MAPK10: variants seen among roughly 807,000 people sequenced by gnomAD.
MAPK10 encodes mitogen-activated protein kinase 10.
In MAPK10, 25 loss-of-function variants were observed where a neutral mutation model predicts 59.3. The observed-to-expected ratio is 0.42, with a 90% confidence interval of 0.31 to 0.59. The LOEUF (loss-of-function observed/expected upper bound fraction) is 0.59, where lower values mean the gene tolerates loss of function less well. Among genes scored for constraint, MAPK10 ranks in the 20% least tolerant of loss-of-function variants. The pLI is 0.15. For synonymous variants in MAPK10, 190 were observed against 200.5 expected (o/e 0.95, Z 0.44); for missense variants, 351 against 568.9 (o/e 0.62, Z 3.90).
At chr4:86,250,514 G>C (rs1433659371) in intron 2 of MAPK10, among the ~76,000 whole-genome samples, 2 of 152,144 alleles carry the variant, frequency 1.3e-5, no homozygotes, top group South Asian at 4.1e-4. Context: ...GAGAATTTTA[G>C]AGTGAAAAAA....
chr4:86,381,256 T>C (rs1740665688), intron 1 of MAPK10, among the ~76,000 whole-genome samples: 1 of 152,166 alleles, frequency 6.6e-6, no homozygotes, highest in African/African-American at 2.4e-5. Flanking sequence ...ACTACCCTCC[T>C]GGCCTTGTAA....
chr4:86,158,849 G>A (rs1562464502), intron 4 of MAPK10, among the ~76,000 whole-genome samples: 1 of 151,632 alleles, frequency 6.6e-6, no homozygotes, highest in Non-Finnish European at 1.5e-5. Flanking sequence ...TTCTAAATCG[G>A]TAACTCAGTT....
At chr4:86,486,451 G>A (rs1182370884) in intron 1 of MAPK10, among the ~76,000 whole-genome samples, 1 of 152,118 alleles carries the variant, frequency 6.6e-6, no homozygotes, top group Admixed American at 6.6e-5. Flanking sequence ...GGGAACAAAA[G>A]AACTGCAAAC....
intron 2 of MAPK10, among the ~76,000 whole-genome samples, chr4:86,226,241 A>G (rs1384193467): frequency 6.6e-6 from 1 of 152,234 alleles, no homozygotes; most frequent in Non-Finnish European, 1.5e-5. Flanking sequence ...CTCACAGGAC[A>G]ACTAAGCCAC....
At chr4:86,187,873 T>C (rs1481139388) in intron 3 of MAPK10, among the ~76,000 whole-genome samples, 1 of 152,128 alleles carries the variant, frequency 6.6e-6, no homozygotes, top group African/African-American at 2.4e-5. Flanking sequence ...CACCCATCAA[T>C]CTGTCATCTA....
chr4:86,527,032 G>C (rs1757512181), intron 1 of MAPK10, among the ~76,000 whole-genome samples: 1 of 152,064 alleles, frequency 6.6e-6, no homozygotes, highest in African/African-American at 2.4e-5. Flanking sequence ...AAAGTGGCTG[G>C]GCACAGTAGC....
chr4:86,350,454 T>A (rs1247522504), intron 2 of MAPK10, among the ~76,000 whole-genome samples: 1 of 152,176 alleles, frequency 6.6e-6, no homozygotes, highest in Non-Finnish European at 1.5e-5. Context: ...GACCTCGTGA[T>A]CCGCCCACCT....
At chr4:86,372,639 G>A (rs1739085763) in intron 1 of MAPK10, among the ~76,000 whole-genome samples, 1 of 151,764 alleles carries the variant, frequency 6.6e-6, no homozygotes, top group African/African-American at 2.4e-5. Context: ...CATGGAAACT[G>A]AACTACCTTC....
chr4:86,180,331 A>T (rs2076615117), intron 3 of MAPK10, among the ~76,000 whole-genome samples: 1 of 151,984 alleles, frequency 6.6e-6, no homozygotes, highest in Non-Finnish European at 1.5e-5. Context: ...GACAAAAAAT[A>T]ATAAATGTTG....
intron 2 of MAPK10, among the ~76,000 whole-genome samples, chr4:86,233,450 C>G (rs1366315576): frequency 6.6e-6 from 1 of 152,122 alleles, no homozygotes; most frequent in South Asian, 2.1e-4. Flanking sequence ...GCTAAATGGG[C>G]TTTTCTCAGC....
chr4:86,099,402 A>G (rs928417891), intron 8 of MAPK10: 1 of 152,188 alleles, frequency 6.6e-6, no homozygotes, highest in Non-Finnish European at 1.5e-5. Flanking sequence ...ACCAATCTTT[A>G]CCCCTTTCCA....
intron 4 of MAPK10, among the ~76,000 whole-genome samples, chr4:86,132,420 T>A (rs1433289211): frequency 2.0e-5 from 3 of 152,232 alleles, no homozygotes; most frequent in Non-Finnish European, 2.9e-5. Context: ...GTCATGTGCC[T>A]TTGAAACTAT....
chr4:86,195,682 A>G (rs928970237), intron 2 of MAPK10, among the ~76,000 whole-genome samples: 4 of 152,138 alleles, frequency 2.6e-5, no homozygotes, highest in Admixed American at 2.0e-4. Context: ...TCAACCCATC[A>G]TCTACATTAG....
At chr4:86,577,718 C>T (rs1429681753) in intron 1 of MAPK10, among the ~76,000 whole-genome samples, 1 of 152,098 alleles carries the variant, frequency 6.6e-6, no homozygotes, top group African/African-American at 2.4e-5. Context: ...ATACTCTATG[C>T]AACTCAGTTT....
intron 2 of MAPK10, among the ~76,000 whole-genome samples, chr4:86,347,805 C>T (rs1729074380): frequency 1.3e-5 from 2 of 152,062 alleles, no homozygotes; most frequent in Admixed American, 6.6e-5. Flanking sequence ...TTTTCATGAC[C>T]TAATCACCTC....
chr4:86,164,009 TCTC>T (rs2070752138), intron 3 of MAPK10, among the ~76,000 whole-genome samples: 1 of 152,254 alleles, frequency 6.6e-6, no homozygotes, highest in African/African-American at 2.4e-5. Context: ...AGAAGCATTC[TCTC>T]CTCATTTTCA....
At chr4:86,241,145 A>T (rs1204453267) in intron 2 of MAPK10, among the ~76,000 whole-genome samples, 1 of 152,152 alleles carries the variant, frequency 6.6e-6, no homozygotes, top group East Asian at 1.9e-4. Flanking sequence ...CTTTTCTTTA[A>T]GAATGTTGAA....
At chr4:86,540,171 G>C (rs1758562019) in intron 1 of MAPK10, among the ~76,000 whole-genome samples, 1 of 152,168 alleles carries the variant, frequency 6.6e-6, no homozygotes, top group African/African-American at 2.4e-5. Context: ...CTCATAGCAG[G>C]CTTATCACCC....
At chr4:86,075,991 G>C (rs910918465) in intron 9 of MAPK10, among the ~76,000 whole-genome samples, 2 of 151,596 alleles carry the variant, frequency 1.3e-5, no homozygotes, top group Admixed American at 6.6e-5. Flanking sequence ...CCCTCCCCCA[G>C]CCCTCCTGGG....
Sources: gnomAD v4.1 joint callset for allele counts (sites outside exome capture counted in the v4.1 genomes callset) on GRCh38, gnomAD v4.1.1 for gene constraint, MANE v1.5 for transcripts, NCBI Gene and HGNC (gene_info 2026-07-23, HGNC 2026-07-21) for gene names.